ARSK: variants seen among roughly 807,000 people sequenced by gnomAD.
ARSK encodes arylsulfatase K.
A neutral mutation model predicts 53.2 loss-of-function variants in ARSK; 37 were observed. That is an observed-to-expected ratio of 0.70 (90% CI 0.54 to 0.92). The LOEUF (loss-of-function observed/expected upper bound fraction) is 0.92. Ranked by LOEUF, ARSK falls within the 40% of genes least tolerant of loss-of-function variation. ARSK has a pLI of 0.00. For missense variants in ARSK, 613 were observed against 643.0 expected, an observed-to-expected ratio of 0.95 and a Z score of 0.51; for synonymous variants, 208 against 223.2, an observed-to-expected ratio of 0.93 and a Z score of 0.61.
chr5:95,603,348 C>G lies in ARSK; in HGVS notation c.1433C>G (p.Ala478Gly), dbSNP rs1330169617. ...ATTATAAACTACCCTAAAGTTTCTGCTTCTGTCCACCAGTATAATAAAGAG... is the reference window on the plus strand; with the variant it reads ...ATTATAAACTACCCTAAAGTTTCTGGTTCTGTCCACCAGTATAATAAAGAG... ...HSIINYPKVSASVHQYNKEQF... is the reference protein window; with the variant it reads ...HSIINYPKVSGSVHQYNKEQF... Residue 478 changes from alanine (A) to glycine (G), a missense_variant, in exon 8 of 8, where the codon GCT becomes GGT. Ala to Gly is a moderately conservative substitution (Grantham distance 60). Transcript: ENST00000380009. The G allele has an allele frequency of 6.2e-7, 1 of 1,612,864 alleles. No homozygotes were observed. Among genetic ancestry groups the G allele is most frequent in the East Asian group, 2.2e-5 (1 of 44,822 alleles).
chr5:95,599,973 G>A (rs1749375965), intron 6 of ARSK, among the ~76,000 whole-genome samples: 1 of 152,090 alleles, frequency 6.6e-6, no homozygotes, highest in African/African-American at 2.4e-5. Context: ...GAAGACAACT[G>A]CAGACTCATT....
chr5:95,595,100 G>A (rs1749283088), intron 6 of ARSK, among the ~76,000 whole-genome samples: 1 of 152,054 alleles, frequency 6.6e-6, no homozygotes, highest in Non-Finnish European at 1.5e-5. Context: ...ATTAAAAATA[G>A]TCACTTCTAA....
chr5:95,601,009 G>T lies in ARSK; in HGVS notation c.1259G>T (p.Arg420Leu), dbSNP rs370552188. Residue 420 changes from arginine to leucine, a missense_variant, in exon 7 of 8, where the codon CGA (arginine) becomes CTA (leucine). Physicochemically the swap from Arg to Leu is moderately radical, Grantham distance 102. Coordinates refer to ENST00000380009, the MANE Select transcript of ARSK (RefSeq NM_198150.3). ...GTGAATGCCTCCACCTACATGCTTC[G>T]AACTAACCACTGGAAATATATAGCC... Reference protein sequence around the residue: ...CNVNASTYMLRTNHWKYIAYS... With the variant: ...CNVNASTYMLLTNHWKYIAYS... 4 of 1,613,984 alleles carry T rather than the reference G, an allele frequency of 2.5e-6. No homozygotes were observed. The highest frequency in any genetic ancestry group is 3.4e-6 in the Non-Finnish European group (4 of 1,179,944).
chr5:95,586,876 T>TG, intron 5 of ARSK, 143 bp downstream of exon 5: 1 of 606,770 alleles, frequency 1.6e-6, no homozygotes, highest in Non-Finnish European at 2.7e-6. Flanking sequence ...CTTGATAACT[T>TG]GCGTTATTGA....
intron 1 of ARSK, among the ~76,000 whole-genome samples, chr5:95,559,960 A>G (rs1407246278): frequency 2.6e-5 from 4 of 152,230 alleles, no homozygotes; most frequent in African/African-American, 4.8e-5. Flanking sequence ...CCACTACAAA[A>G]CTATTGAACT....
At chr5:95,580,789 A>G (rs975932382) in intron 3 of ARSK, 7 of 474,788 alleles carry the variant, frequency 1.5e-5, no homozygotes, top group Admixed American at 3.3e-5. Flanking sequence ...GTGCTAAATG[A>G]TTTTAAAGTA....
chr5:95,561,701 G>A (rs1479482199), intron 1 of ARSK, among the ~76,000 whole-genome samples: 1 of 152,162 alleles, frequency 6.6e-6, no homozygotes, highest in Non-Finnish European at 1.5e-5. Flanking sequence ...AGCAAACATA[G>A]AGCCGGAAAG....
chr5:95,591,556 C>G lies in ARSK; in HGVS notation c.1027C>G (p.Pro343Ala). The change falls in exon 6 of 8, where the codon CCA (proline) becomes GCA (alanine). Residue 343 changes from proline to alanine, a missense_variant. Physicochemically the swap from Pro to Ala is conservative, Grantham distance 27. Transcript: ENST00000380009. Reference protein sequence around the residue: ...SAHVPLLMMGPGIKAGLQVSN... With the variant: ...SAHVPLLMMGAGIKAGLQVSN... ...ACATGTTCCGCTTTTGATGATGGGA[C>G]CAGGAATTAAAGCCGGCCTACAAGT... 1.9e-6 allele frequency: 3 copies of G among 1,614,074 alleles called. No individual in the cohort carries two copies. The highest frequency in any genetic ancestry group is 2.5e-6 in the Non-Finnish European group (3 of 1,180,008).
intron 1 of ARSK, chr5:95,557,146 CT>C (rs1748537430): frequency 6.6e-6 from 1 of 152,066 alleles, no homozygotes; most frequent in Non-Finnish European, 1.5e-5. Flanking sequence ...GTTCTGAGTC[CT>C]TTTGACCCAT....
chr5:95,600,734 C>T, intron 6 of ARSK, 113 bp from the exon 7 acceptor site: 1 of 1,057,812 alleles, frequency 9.5e-7, no homozygotes, highest in East Asian at 2.5e-5. Flanking sequence ...ATACAATCTC[C>T]AGTCTCCATG....
rs1190102692 is a variant in ARSK at position 95,555,305 on chromosome 5, C to G, written c.27C>G (p.Val9=). 1.2e-6 allele frequency: 2 copies of G among 1,603,212 alleles called. No individual in the cohort carries two copies. Among genetic ancestry groups the G allele is most frequent in the Non-Finnish European group, 1.7e-6 (2 of 1,179,074 alleles). MLLLWVSV[V]AALALAVLAP... Reference sequence around the variant, plus strand: ...TGCTACTGCTGTGGGTGTCGGTGGTCGCAGCCTTGGCGCTGGCGGTACTGG... The same window carrying G: ...TGCTACTGCTGTGGGTGTCGGTGGTGGCAGCCTTGGCGCTGGCGGTACTGG... The change falls in exon 1 of 8, where the codon GTC becomes GTG. Residue 9 remains valine (V), a synonymous_variant. Coordinates refer to ENST00000380009, the MANE Select transcript of ARSK (RefSeq NM_198150.3). The surrounding 1 kb of genome is among the most constrained non-coding windows in gnomAD (Gnocchi z 4.0).
intron 5 of ARSK, among the ~76,000 whole-genome samples, chr5:95,590,376 G>A (rs966791259): frequency 1.3e-5 from 2 of 152,056 alleles, no homozygotes; most frequent in African/African-American, 4.8e-5. Context: ...TGTGGAGAGT[G>A]GACAGGGGCA....
intron 5 of ARSK, among the ~76,000 whole-genome samples, chr5:95,588,388 C>A (rs1183428366): frequency 6.6e-6 from 1 of 151,836 alleles, no homozygotes; most frequent in Non-Finnish European, 1.5e-5. Flanking sequence ...AGGCACGCGC[C>A]ACCACGCCCA....
At chr5:95,591,894 T>C (rs946319323) in intron 6 of ARSK, among the ~76,000 whole-genome samples, 4 of 152,222 alleles carry the variant, frequency 2.6e-5, no homozygotes, top group African/African-American at 9.6e-5. Flanking sequence ...ATGTAAGATA[T>C]TCGGGTTCAT....
rs1014115611 is a variant in ARSK, at chr5:95,555,745, A to G, written c.126+341A>G. 6.6e-5 allele frequency among the ~76,000 whole-genome samples: 10 copies of G among 152,216 alleles called. No individual in the cohort carries two copies. The highest frequency in any genetic ancestry group is 5.9e-5 in the Non-Finnish European group (4 of 68,044). On this transcript the variant is annotated intron_variant, in intron 1 of 7. Coordinates refer to ENST00000380009, the MANE Select transcript of ARSK (RefSeq NM_198150.3). The surrounding 1 kb of genome is among the most constrained non-coding windows in gnomAD (Gnocchi z 4.0). Reference sequence around the variant, plus strand: ...ATTGTGTGGTAAAATAACATTCTGCATCTCCATAAAAGCGTGTTAGCTTTC... The same window carrying G: ...ATTGTGTGGTAAAATAACATTCTGCGTCTCCATAAAAGCGTGTTAGCTTTC...
At chr5:95,560,802 CTTTTTTTT>C (rs70978188) in intron 1 of ARSK, among the ~76,000 whole-genome samples, 1 of 108,288 alleles carries the variant, frequency 9.2e-6, no homozygotes, top group African/African-American at 3.4e-5. Context: ...GGCAAAAGAT[CTTTTTTTT>C]TTTTTTTTTT....
At chr5:95,596,966 A>G (rs559955843) in intron 6 of ARSK, among the ~76,000 whole-genome samples, 1 of 152,166 alleles carries the variant, frequency 6.6e-6, no homozygotes, top group East Asian at 1.9e-4. Context: ...GGATACTATT[A>G]CATTATCATT....
At position 95,555,242 on chromosome 5, in the gene ARSK, C is replaced by G. The variant is rs778143666; in HGVS notation, c.-37C>G. 6.4e-7 allele frequency: 1 copy of G among 1,553,936 alleles called. No homozygotes were observed. The highest frequency in any genetic ancestry group is 1.1e-5 in the South Asian group (1 of 90,058). On this transcript the variant is annotated 5_prime_UTR_variant, in exon 1 of 8. Coordinates refer to ENST00000380009, the MANE Select transcript of ARSK (RefSeq NM_198150.3). This position sits in a 1 kb window ranked among gnomAD's most constrained non-coding sequence, Gnocchi z 4.0. ...GGGAGAGAACGCCAGAGGGAGGCGG[C>G]TGGCCCGGCGGCAGGCTCTCAGAAC...
chr5:95,559,209 C>A (rs1213371069), intron 1 of ARSK, among the ~76,000 whole-genome samples: 1 of 152,154 alleles, frequency 6.6e-6, no homozygotes, highest in Admixed American at 6.5e-5. Flanking sequence ...AGGAAAGAAA[C>A]CCACAGACCA....
Sources: gnomAD v4.1 joint callset for allele counts (sites outside exome capture counted in the v4.1 genomes callset) on GRCh38, gnomAD v4.1.1 for gene constraint, Gnocchi (gnomAD v3.1) non-coding constraint, MANE v1.5 for transcripts, NCBI Gene and HGNC (gene_info 2026-07-23, HGNC 2026-07-21) for gene names.